Variants in DOCK5 observed in about 807,000 individuals in gnomAD.
The protein encoded by DOCK5 is dedicator of cytokinesis 5.
In DOCK5, 142 loss-of-function variants were observed where a neutral mutation model predicts 251.8. That is an observed-to-expected ratio of 0.56 (90% CI 0.49 to 0.65). DOCK5 has a LOEUF of 0.65. Ranked by LOEUF, DOCK5 falls within the 30% of genes least tolerant of loss-of-function variation. The pLI, the probability that DOCK5 is intolerant of heterozygous loss-of-function variation, is 0.00. For missense variants in DOCK5, 2,111 were observed against 2,312.3 expected, an observed-to-expected ratio of 0.91 and a Z score of 1.79; for synonymous variants, 842 against 835.5, an observed-to-expected ratio of 1.01 and a Z score of -0.13.
At chr8:25,205,250 A>C (rs1308661726) in intron 1 of DOCK5, among the ~76,000 whole-genome samples, 1 of 149,994 alleles carries the variant, frequency 6.7e-6, no homozygotes, top group Admixed American at 6.6e-5. Flanking sequence ...GCTGTCTCTC[A>C]CTCTCTCTCC....
intron 6 of DOCK5, among the ~76,000 whole-genome samples, chr8:25,295,651 G>C (rs1024256934): frequency 1.3e-5 from 2 of 152,058 alleles, no homozygotes; most frequent in Non-Finnish European, 2.9e-5. Flanking sequence ...TCAAATAATT[G>C]TTCATTGGTC....
At chr8:25,265,565 C>T (rs1803721637) in intron 2 of DOCK5, among the ~76,000 whole-genome samples, 1 of 151,810 alleles carries the variant, frequency 6.6e-6, no homozygotes, top group Non-Finnish European at 1.5e-5. Flanking sequence ...TATTACTTTT[C>T]TTGAGCACTT....
chr8:25,343,828 T>C (rs1382171290), intron 25 of DOCK5, among the ~76,000 whole-genome samples: 1 of 152,152 alleles, frequency 6.6e-6, no homozygotes, highest in African/African-American at 2.4e-5. Flanking sequence ...TGTTTTGAGA[T>C]GGAGTCTCAC....
intron 2 of DOCK5, among the ~76,000 whole-genome samples, chr8:25,251,928 G>A (rs923408135): frequency 7.9e-5 from 12 of 151,328 alleles, no homozygotes; most frequent in African/African-American, 1.2e-4. Flanking sequence ...GGCAGAGGTT[G>A]CAGTGAGCTG....
At chr8:25,215,971 AC>A in intron 1 of DOCK5, among the ~76,000 whole-genome samples, 1 of 147,364 alleles carries the variant, frequency 6.8e-6, no homozygotes, top group South Asian at 2.1e-4. Flanking sequence ...ACACACACAC[AC>A]GTATACGATA....
chr8:25,337,019 A>C (rs1805828927), intron 22 of DOCK5, among the ~76,000 whole-genome samples: 1 of 152,224 alleles, frequency 6.6e-6, no homozygotes, highest in African/African-American at 2.4e-5. Context: ...TTTATTGAAA[A>C]AAATAAAATT....
At chr8:25,385,866 A>G (rs1262001437) in intron 40 of DOCK5, among the ~76,000 whole-genome samples, 1 of 152,192 alleles carries the variant, frequency 6.6e-6, no homozygotes, top group Non-Finnish European at 1.5e-5. Flanking sequence ...AGTAAACAAG[A>G]AAGACTTCAG....
chr8:25,194,700 G>A (rs1421188028), intron 1 of DOCK5, among the ~76,000 whole-genome samples: 1 of 152,142 alleles, frequency 6.6e-6, no homozygotes, highest in African/African-American at 2.4e-5. Flanking sequence ...CCTGCTTCCA[G>A]AACAGAAGTT....
intron 1 of DOCK5, among the ~76,000 whole-genome samples, chr8:25,207,654 C>T (rs774809982): frequency 6.6e-6 from 1 of 152,180 alleles, no homozygotes; most frequent in Non-Finnish European, 1.5e-5. Flanking sequence ...ACTGTTGAGA[C>T]CTACAGCTGA....
At chr8:25,381,052 G>A (rs1034175145) in intron 39 of DOCK5, among the ~76,000 whole-genome samples, 6 of 151,742 alleles carry the variant, frequency 4.0e-5, no homozygotes, top group African/African-American at 1.5e-4. Flanking sequence ...CATTCCAAAT[G>A]CCCAGTGGTA....
intron 49 of DOCK5, 21 bp from the exon 50 acceptor site, chr8:25,408,781 G>T: frequency 6.2e-7 from 1 of 1,613,292 alleles, no homozygotes; most frequent in Non-Finnish European, 8.5e-7. Flanking sequence ...AAAATGTTTT[G>T]CTTTTTCTCT....
rs1299532374 is a variant in DOCK5, at chr8:25,377,401, A to G, written c.3913A>G (p.Ile1305Val). ...ELKEKLYQEI[I>V]SYFDKGKMWE... is the part of the protein sequence containing the mutation. ...TAAAGAGAAGCTGTATCAAGAAATC[A>G]TATCATATTTCGACAAAGGCAAAGT... Residue 1305 changes from isoleucine to valine, a missense_variant, in exon 38 of 52, where the codon ATA becomes GTA. Around this residue, in one of 3 missense-constraint regions of DOCK5, gnomAD observed 1,717 missense variants for 1,892.4 expected, o/e 0.91. Coordinates refer to ENST00000276440, the MANE Select transcript of DOCK5 (RefSeq NM_024940.8). 2.5e-6 allele frequency: 4 copies of G among 1,613,664 alleles called. No individual in the cohort carries two copies. The highest frequency in any genetic ancestry group is 1.1e-5 in the South Asian group (1 of 91,078).
intron 48 of DOCK5, 147 bp from the exon 49 acceptor site, chr8:25,407,836 C>G: frequency 1.1e-6 from 1 of 938,988 alleles, no homozygotes; most frequent in South Asian, 1.9e-5. Context: ...TGCACTCCAG[C>G]CTGAATGATG....
At chr8:25,270,751 C>G (rs1185789297) in intron 3 of DOCK5, 1 of 703,374 alleles carries the variant, frequency 1.4e-6, no homozygotes, top group South Asian at 1.5e-5. Flanking sequence ...CTAAAGTATC[C>G]TATGATTTTT....
rs1205298349 is a variant in DOCK5, at chr8:25,414,924, A to ATTTTTTTT, written c.*3630_*3631insTTTTTTTT. ...CTGGGCCTGTCTTTTTTTTTTTTTA[A>ATTTTTTTT]TTTTGAAGCTACCTGAGGTTTAGAA... On this transcript the variant is annotated 3_prime_UTR_variant, in exon 52 of 52. Coordinates refer to ENST00000276440, the MANE Select transcript of DOCK5 (RefSeq NM_024940.8). 82 of 64,220 alleles carry ATTTTTTTT rather than the reference A, an allele frequency of 1.3e-3. 1 individual carries two copies. Among genetic ancestry groups the ATTTTTTTT allele is most frequent in the East Asian group, 2.8e-3 (6 of 2,116 alleles). The allele number at this position is 64,220 out of a possible 1,614,324, so 4.0% of individuals were successfully genotyped here. A position where few individuals can be genotyped will look rare whatever the true frequency, so the allele number is the denominator to read the frequency against.
chr8:25,286,362 C>T (rs556483265), intron 5 of DOCK5, among the ~76,000 whole-genome samples: 5 of 152,166 alleles, frequency 3.3e-5, no homozygotes, highest in African/African-American at 9.7e-5. Flanking sequence ...TTTAATGTCT[C>T]AGTCATAGAC....
Position 25,413,200 on chromosome 8 carries a change from G to A in DOCK5, c.*1902G>A, listed in dbSNP as rs548530165. On this transcript the variant is annotated 3_prime_UTR_variant, in exon 52 of 52. Transcript: ENST00000276440. ...TGAGATGAAATATGGGAAAGAAGAGGTACTCACCTGATGGTCCCTGCTTTC... is the reference window on the plus strand; with the variant it reads ...TGAGATGAAATATGGGAAAGAAGAGATACTCACCTGATGGTCCCTGCTTTC... 3 of 152,272 alleles carry A rather than the reference G, an allele frequency of 2.0e-5. No individual in the cohort carries two copies. Among genetic ancestry groups the A allele is most frequent in the East Asian group, 3.9e-4 (2 of 5,184 alleles). The allele number at this position is 152,272 out of a possible 1,614,324, so 9.4% of individuals were successfully genotyped here.
At chr8:25,270,983 A>C (rs1254474361) in intron 3 of DOCK5, 2 of 456,610 alleles carry the variant, frequency 4.4e-6, no homozygotes, top group East Asian at 6.2e-5. Context: ...TTAGGGAATA[A>C]TGACAAGGAA....
chr8:25,252,355 A>T (rs1274343086), intron 2 of DOCK5, among the ~76,000 whole-genome samples: 1 of 152,234 alleles, frequency 6.6e-6, no homozygotes, highest in East Asian at 1.9e-4. Flanking sequence ...TGTCCAAGGT[A>T]TTTGTAACTT....
Sources: allele counts gnomAD v4.1 joint callset (sites outside exome capture counted in the v4.1 genomes callset), GRCh38; gene constraint gnomAD v4.1.1; regional missense constraint gnomAD v4.1.1; transcripts MANE v1.5; gene names NCBI Gene and HGNC (gene_info 2026-07-23, HGNC 2026-07-21).